Variants in PPTC7 observed in about 807,000 individuals in gnomAD.
PPTC7 encodes the protein protein phosphatase targeting COQ7.
In PPTC7, 6 loss-of-function variants were observed where a neutral mutation model predicts 30.8. The ratio of observed to expected loss-of-function variants is 0.19; its 90% confidence interval spans 0.11 to 0.38. The LOEUF (loss-of-function observed/expected upper bound fraction) is 0.38. PPTC7 is among the 10% of genes least tolerant of loss of function. The pLI is 1.00. For synonymous variants in PPTC7, 163 were observed against 168.1 expected (o/e 0.97, Z 0.23); for missense variants, 218 against 404.8 (o/e 0.54, Z 3.96).
At chr12:110,566,572 A>T (rs2064484932) in intron 1 of PPTC7, among the ~76,000 whole-genome samples, 1 of 152,232 alleles carries the variant, frequency 6.6e-6, no homozygotes, top group South Asian at 2.1e-4. Context: ...TGCTCCGCTC[A>T]CAGCCAACAT....
intron 2 of PPTC7, 85 bp downstream of exon 2, chr12:110,551,704 C>A: frequency 8.0e-7 from 1 of 1,255,790 alleles, no homozygotes; most frequent in South Asian, 1.4e-5. Context: ...CAGAAAAAAG[C>A]TGGTCCGATA....
In PPTC7 at chr12:110,534,088, G is replaced by A. The variant is rs940055080; in HGVS notation, c.*2949C>T. 4 of 151,642 alleles carry A rather than the reference G, an allele frequency of 2.6e-5. No individual in the cohort carries two copies. The highest frequency in any genetic ancestry group is 9.7e-5 in the African/African-American group (4 of 41,194). The allele number at this position is 151,642 out of a possible 1,614,324, so 9.4% of individuals were successfully genotyped here. Reference sequence around the variant, plus strand: ...TGCATCCCATTTCTTTTAGTTTTTAGAGCCTATGGACTCTACTGCATCTCC... The same window carrying A: ...TGCATCCCATTTCTTTTAGTTTTTAAAGCCTATGGACTCTACTGCATCTCC... On this transcript the variant is annotated 3_prime_UTR_variant, in exon 6 of 6. Transcript: ENST00000354300.
intron 2 of PPTC7, among the ~76,000 whole-genome samples, chr12:110,547,711 G>A (rs1211641469): frequency 6.6e-6 from 1 of 152,074 alleles, no homozygotes; most frequent in Admixed American, 6.6e-5. Flanking sequence ...ACACAAATGG[G>A]CCACGGAACC....
intron 1 of PPTC7, among the ~76,000 whole-genome samples, chr12:110,575,373 C>T (rs1226840166): frequency 2.0e-5 from 3 of 152,012 alleles, no homozygotes; most frequent in Non-Finnish European, 2.9e-5. Flanking sequence ...CTCTAAAAGG[C>T]ATGGGAACAT....
intron 3 of PPTC7, among the ~76,000 whole-genome samples, chr12:110,545,582 A>C (rs1211047697): frequency 6.6e-6 from 1 of 152,258 alleles, no homozygotes; most frequent in Non-Finnish European, 1.5e-5. Flanking sequence ...AGCACAATTT[A>C]ATAAAGTACT....
At position 110,583,157 on chromosome 12, in the gene PPTC7, T is replaced by C. The variant is rs1252011553; in HGVS notation, c.-126A>G. ...GGGCGCTCCTCAGGGCGGCGCGCAG[T>C]GGCCGCCGCCGCCCCTGCCCGACGC... On this transcript the variant is annotated 5_prime_UTR_variant, in exon 1 of 6. Coordinates refer to ENST00000354300, the MANE Select transcript of PPTC7 (RefSeq NM_139283.2). 1.8e-6 allele frequency: 1 copy of C among 548,012 alleles called. No individual in the cohort carries two copies. The highest frequency in any genetic ancestry group is 2.0e-5 in the African/African-American group (1 of 49,246). The allele number at this position is 548,012 out of a possible 1,614,324, so 33.9% of individuals were successfully genotyped here. A position where few individuals can be genotyped will look rare whatever the true frequency, so the allele number is the denominator to read the frequency against.
At chr12:110,546,280 ATTTGT>A (rs1404061575) in intron 2 of PPTC7, 6 of 578,648 alleles carry the variant, frequency 1.0e-5, no homozygotes, top group Non-Finnish European at 1.9e-5. Flanking sequence ...AAGAAAAAGG[ATTTGT>A]ATTATACATA....
rs1432564153 is a variant in PPTC7 at position 110,539,915 on chromosome 12, A to G, written c.633T>C (p.Asp211=). ...SPDAADSTSF[D]VQLGDIILTA... ...TCAGGATAATGTCTCCTAGCTGGAC[A>G]TCGAAAGACGTGCTATCAGCAGCAT... Residue 211 remains aspartate (D), a synonymous_variant, in exon 4 of 6, where the codon GAT becomes GAC. Coordinates refer to ENST00000354300, the MANE Select transcript of PPTC7 (RefSeq NM_139283.2). 1.2e-6 allele frequency: 2 copies of G among 1,614,172 alleles called. No homozygotes were observed. The highest frequency in any genetic ancestry group is 8.5e-7 in the Non-Finnish European group (1 of 1,179,990).
At chr12:110,541,328 G>C (rs2064257678) in intron 3 of PPTC7, among the ~76,000 whole-genome samples, 1 of 151,622 alleles carries the variant, frequency 6.6e-6, no homozygotes, top group Non-Finnish European at 1.5e-5. Flanking sequence ...GTTGCAGTGA[G>C]CCAGTGAGCC....
chr12:110,575,188 TAA>T (rs1477767168), intron 1 of PPTC7, among the ~76,000 whole-genome samples: 3 of 152,188 alleles, frequency 2.0e-5, no homozygotes, highest in African/African-American at 7.2e-5. Flanking sequence ...CATCACTTCT[TAA>T]AAAGAGATCA....
Position 110,583,278 on chromosome 12 carries a change from C to G in PPTC7, c.-247G>C, listed in dbSNP as rs1285214269. 6.1e-6 allele frequency: 1 copy of G among 163,050 alleles called. No homozygotes were observed. Among genetic ancestry groups the G allele is most frequent in the Admixed American group, 6.4e-5 (1 of 15,552 alleles). 10.1% of individuals were successfully genotyped at this position (163,050 alleles called of 1,614,324 possible). A position where few individuals can be genotyped will look rare whatever the true frequency, so the allele number is the denominator to read the frequency against. Reference sequence around the variant, plus strand: ...CTCAGCCCAACTGAAGTCCCGGCTGCAGCGGCCGCCGCCGCCGCCGCCATC... The same window carrying G: ...CTCAGCCCAACTGAAGTCCCGGCTGGAGCGGCCGCCGCCGCCGCCGCCATC... On this transcript the variant is annotated 5_prime_UTR_variant, in exon 1 of 6. Coordinates refer to ENST00000354300, the MANE Select transcript of PPTC7 (RefSeq NM_139283.2).
chr12:110,579,209 G>C (rs1003299745), intron 1 of PPTC7, among the ~76,000 whole-genome samples: 1 of 151,860 alleles, frequency 6.6e-6, no homozygotes, highest in Admixed American at 6.6e-5. Context: ...ACCATCATAT[G>C]AACTGGTTCA....
At chr12:110,572,024 T>C (rs932402181) in intron 1 of PPTC7, among the ~76,000 whole-genome samples, 1 of 152,208 alleles carries the variant, frequency 6.6e-6, no homozygotes, top group Admixed American at 6.5e-5. Flanking sequence ...ATAGCAGATA[T>C]GAAAACAGAA....
intron 1 of PPTC7, among the ~76,000 whole-genome samples, chr12:110,575,573 G>A (rs1420248821): frequency 7.3e-6 from 1 of 136,746 alleles, no homozygotes; most frequent in Non-Finnish European, 1.5e-5. Flanking sequence ...CTAAAGTTCA[G>A]GGTACAGCCT....
At chr12:110,549,711 G>C (rs181602470) in intron 2 of PPTC7, among the ~76,000 whole-genome samples, 1 of 152,120 alleles carries the variant, frequency 6.6e-6, no homozygotes, top group Non-Finnish European at 1.5e-5. Context: ...ATAGGAAAAA[G>C]AAAAAGGCAC....
chr12:110,556,593 G>T (rs2064389221), intron 1 of PPTC7, among the ~76,000 whole-genome samples: 1 of 152,172 alleles, frequency 6.6e-6, no homozygotes, highest in African/African-American at 2.4e-5. Flanking sequence ...CAAAGGTAAA[G>T]AAAACTGTTA....
chr12:110,566,224 T>C (rs2064482066), intron 1 of PPTC7, among the ~76,000 whole-genome samples: 1 of 152,234 alleles, frequency 6.6e-6, no homozygotes, highest in Non-Finnish European at 1.5e-5. Flanking sequence ...GTTAAGTTTT[T>C]GTTTTAACTA....
rs949853802 is a variant in PPTC7, at chr12:110,534,766, A to T, written c.*2271T>A. 6.6e-6 allele frequency: 1 copy of T among 152,420 alleles called. No individual in the cohort carries two copies. Among genetic ancestry groups the T allele is most frequent in the Non-Finnish European group, 1.5e-5 (1 of 68,024 alleles). 9.4% of individuals were successfully genotyped at this position (152,420 alleles called of 1,614,324 possible). A position where few individuals can be genotyped will look rare whatever the true frequency, so the allele number is the denominator to read the frequency against. ...TGGAACAAACACATCGTCAATTTCT[A>T]ACAATCGTTTCTCAAAAAGGTAAGC... On this transcript the variant is annotated 3_prime_UTR_variant, in exon 6 of 6. Transcript: ENST00000354300.
At chr12:110,538,060 A>G in intron 5 of PPTC7, 84 bp downstream of exon 5, 1 of 1,449,220 alleles carries the variant, frequency 6.9e-7, no homozygotes, top group Non-Finnish European at 9.5e-7. Context: ...ACACCTCCAC[A>G]GTCTCACCCA....
Sources: allele counts gnomAD v4.1 joint callset (sites outside exome capture counted in the v4.1 genomes callset), GRCh38; gene constraint gnomAD v4.1.1; transcripts MANE v1.5; gene names NCBI Gene and HGNC (gene_info 2026-07-23, HGNC 2026-07-21).